The following CIMIP5 variants were observed in gnomAD, a reference collection of about 807,000 sequenced individuals.
CIMIP5 encodes uncharacterized protein C2orf50.
At chr2:11,148,045 G>A in the CIMIP5 span, among the ~76,000 whole-genome samples, 1 of 152,036 alleles carries the variant, frequency 6.6e-6, no homozygotes, top group South Asian at 2.1e-4. Context: ...AGGGCCAGGA[G>A]ACAGCAGGGC....
At chr2:11,134,977 G>C in the CIMIP5 span, among the ~76,000 whole-genome samples, 1 of 152,306 alleles carries the variant, frequency 6.6e-6, no homozygotes, top group South Asian at 2.1e-4. Flanking sequence ...TGAAGGAGGA[G>C]CAGGCATGTC....
At chr2:11,149,834 C>T in the CIMIP5 span, among the ~76,000 whole-genome samples, 2 of 152,214 alleles carry the variant, frequency 1.3e-5, no homozygotes, top group Non-Finnish European at 2.9e-5. Context: ...AAAGCAAAAG[C>T]AGCTCTAAAG....
chr2:11,139,503 C>T, the CIMIP5 span, among the ~76,000 whole-genome samples: 1 of 152,198 alleles, frequency 6.6e-6, no homozygotes, highest in East Asian at 1.9e-4. Flanking sequence ...CCTTATGGTC[C>T]CTCCCTTTTC....
At chr2:11,142,962 T>C in the CIMIP5 span, among the ~76,000 whole-genome samples, 1 of 152,142 alleles carries the variant, frequency 6.6e-6, no homozygotes, top group Non-Finnish European at 1.5e-5. Context: ...CCAAGGCTTC[T>C]CAAAGTGCCA....
the CIMIP5 span, among the ~76,000 whole-genome samples, chr2:11,142,515 A>G: frequency 9.9e-5 from 15 of 152,230 alleles, no homozygotes; most frequent in East Asian, 2.1e-3. Context: ...CTCCCTGCTA[A>G]GGGCTACATG....
the CIMIP5 span, among the ~76,000 whole-genome samples, chr2:11,150,202 G>T: frequency 6.6e-6 from 1 of 152,132 alleles, no homozygotes; most frequent in Non-Finnish European, 1.5e-5. Flanking sequence ...ACCTCCCAAA[G>T]TGCTGGGATT....
At chr2:11,133,309 C>CGT in the CIMIP5 span, 4 of 1,549,176 alleles carry the variant, frequency 2.6e-6, no homozygotes, top group African/African-American at 7.0e-5. Context: ...CTGACACAAG[C>CGT]GCACACACAC....
chr2:11,148,450 A>C, the CIMIP5 span, among the ~76,000 whole-genome samples: 1 of 152,024 alleles, frequency 6.6e-6, no homozygotes, highest in South Asian at 2.1e-4. Context: ...ACTTCTATCC[A>C]CGGAAAGTAC....
chr2:11,152,071 T>A, the CIMIP5 span, among the ~76,000 whole-genome samples: 2 of 152,236 alleles, frequency 1.3e-5, no homozygotes, highest in African/African-American at 4.8e-5. Flanking sequence ...CGAGCGGGGA[T>A]TGCAGAACTG....
chr2:11,134,702 T>C, the CIMIP5 span, among the ~76,000 whole-genome samples: 5 of 152,254 alleles, frequency 3.3e-5, no homozygotes, highest in Admixed American at 2.6e-4. Context: ...TTTATTCATT[T>C]GTCAATGGAC....
At chr2:11,139,452 G>T in the CIMIP5 span, among the ~76,000 whole-genome samples, 1 of 152,160 alleles carries the variant, frequency 6.6e-6, no homozygotes, top group Non-Finnish European at 1.5e-5. Context: ...TTTAAGATTA[G>T]ATTCAAATAA....
the CIMIP5 span, chr2:11,140,516 G>A: frequency 1.9e-6 from 3 of 1,569,884 alleles, no homozygotes; most frequent in East Asian, 6.8e-5. Context: ...CCAGGATTCA[G>A]AACTGGAGTT....
At chr2:11,137,311 C>T in the CIMIP5 span, among the ~76,000 whole-genome samples, 1 of 152,002 alleles carries the variant, frequency 6.6e-6, no homozygotes, top group African/African-American at 2.4e-5. Flanking sequence ...CAGGCAGAGG[C>T]TGCAATCAGC....
the CIMIP5 span, among the ~76,000 whole-genome samples, chr2:11,151,881 G>C: frequency 1.3e-5 from 2 of 152,226 alleles, no homozygotes; most frequent in Admixed American, 1.3e-4. Flanking sequence ...TGATCTGCAC[G>C]CCTCAGCCTC....
At chr2:11,151,745 C>T in the CIMIP5 span, among the ~76,000 whole-genome samples, 25 of 152,244 alleles carry the variant, frequency 1.6e-4, no homozygotes, top group African/African-American at 6.0e-4. Flanking sequence ...AAGTGATTCT[C>T]CTGCCTCAGC....
At chr2:11,148,730 CTCT>C in the CIMIP5 span, among the ~76,000 whole-genome samples, 35 of 63,870 alleles carry the variant, frequency 5.5e-4, 2 homozygotes, top group South Asian at 9.9e-3. Flanking sequence ...CTAATGAAAA[CTCT>C]TTTTTTTTTT....
the CIMIP5 span, among the ~76,000 whole-genome samples, chr2:11,151,857 C>T: frequency 5.3e-4 from 81 of 152,366 alleles, no homozygotes; most frequent in Middle Eastern, 3.4e-3. Context: ...TGGTCTCTTA[C>T]TCCTGACCTC....
At chr2:11,134,085 G>A in the CIMIP5 span, among the ~76,000 whole-genome samples, 3 of 152,086 alleles carry the variant, frequency 2.0e-5, no homozygotes, top group Non-Finnish European at 4.4e-5. Context: ...AAGCAAACAA[G>A]TACAAATCTG....
the CIMIP5 span, among the ~76,000 whole-genome samples, chr2:11,141,529 C>T: frequency 6.6e-6 from 1 of 152,188 alleles, no homozygotes; most frequent in Non-Finnish European, 1.5e-5. Flanking sequence ...TCTTCAAGAT[C>T]CTGCTCTAGT....
Sources: allele counts gnomAD v4.1 joint callset (sites outside exome capture counted in the v4.1 genomes callset), GRCh38; gene constraint gnomAD v4.1.1; transcripts MANE v1.5; gene names NCBI Gene and HGNC (gene_info 2026-07-23, HGNC 2026-07-21).